Variants in ASAP1 observed in about 807,000 individuals in gnomAD.
ASAP1 encodes the protein ArfGAP with SH3 domain, ankyrin repeat and PH domain 1, also known as arf-GAP with SH3 domain, ANK repeat and PH domain-containing protein 1.
Under a neutral mutation model 145.2 loss-of-function variants are expected in ASAP1, and 43 were observed. That is an observed-to-expected ratio of 0.30 (90% CI 0.23 to 0.38). The LOEUF (loss-of-function observed/expected upper bound fraction) is 0.38. Ranked by LOEUF, ASAP1 falls within the 10% of genes least tolerant of loss-of-function variation. The pLI, the probability that ASAP1 is intolerant of heterozygous loss-of-function variation, is 1.00. For missense variants in ASAP1, 1,018 were observed against 1,355.3 expected (o/e 0.75, Z 3.91); for synonymous variants, 546 against 515.5 (o/e 1.06, Z -0.80).
intron 2 of ASAP1, among the ~76,000 whole-genome samples, chr8:130,373,298 C>T (rs1827319257): frequency 6.6e-6 from 1 of 152,064 alleles, no homozygotes; most frequent in Admixed American, 6.5e-5. Flanking sequence ...CTTTCACTTG[C>T]TCCCATTTTC....
chr8:130,432,368 T>C (rs78725295), intron 1 of ASAP1, among the ~76,000 whole-genome samples: 2,393 of 152,150 alleles, frequency 0.016, 29 homozygotes, highest in East Asian at 0.049. Flanking sequence ...TTTTGGATGA[T>C]GGGAACAGCA....
At chr8:130,123,677 A>C (rs2097570122) in intron 18 of ASAP1, among the ~76,000 whole-genome samples, 1 of 152,200 alleles carries the variant, frequency 6.6e-6, no homozygotes, top group Non-Finnish European at 1.5e-5. Context: ...CCCAGGCTGG[A>C]GTGCAGGGGT....
intron 3 of ASAP1, among the ~76,000 whole-genome samples, chr8:130,339,572 T>C (rs1018733715): frequency 7.9e-5 from 12 of 152,290 alleles, no homozygotes; most frequent in Admixed American, 6.5e-4. Flanking sequence ...GGTTTGTAGA[T>C]GTTTAAAAAT....
chr8:130,194,764 C>T (rs1815368300), intron 5 of ASAP1, among the ~76,000 whole-genome samples: 1 of 152,146 alleles, frequency 6.6e-6, no homozygotes, highest in African/African-American at 2.4e-5. Flanking sequence ...AATGTCACCG[C>T]TGATGTGACA....
Position 130,134,301 on chromosome 8 carries a change from A to G in ASAP1, c.1212T>C (p.Tyr404=), listed in dbSNP as rs1417769799. The G allele has an allele frequency of 6.3e-7, 1 of 1,586,866 alleles. No homozygotes were observed. Among genetic ancestry groups the G allele is most frequent in the Non-Finnish European group, 8.6e-7 (1 of 1,166,612 alleles). ...YHFQAEDEQD[Y]VAWISVLTNS... ...TTTATTTCAAAACTACTTACGCTAC[A>G]TAATCCTGCTCATCTTCTGCCTGAA... The change falls in exon 15 of 30, where the codon TAT becomes TAC. Residue 404 remains tyrosine, a synonymous_variant. Transcript: ENST00000518721.
chr8:130,375,713 T>C (rs1827454751), intron 2 of ASAP1, among the ~76,000 whole-genome samples: 1 of 152,234 alleles, frequency 6.6e-6, no homozygotes, highest in Admixed American at 6.5e-5. Flanking sequence ...TCTACTCCTT[T>C]GTTTTTTTAA....
intron 1 of ASAP1, among the ~76,000 whole-genome samples, chr8:130,404,334 A>G (rs1017678958): frequency 1.3e-5 from 2 of 152,254 alleles, no homozygotes; most frequent in African/African-American, 4.8e-5. Context: ...ATGGAAATGC[A>G]ATGGACTCAG....
chr8:130,347,850 C>A (rs568694301), intron 3 of ASAP1, among the ~76,000 whole-genome samples: 1 of 152,334 alleles, frequency 6.6e-6, no homozygotes, highest in East Asian at 1.9e-4. Context: ...CTCATTCTTG[C>A]CCCTCATGTT....
At chr8:130,361,615 T>C in intron 2 of ASAP1, 3 of 1,289,614 alleles carry the variant, frequency 2.3e-6, no homozygotes, top group Non-Finnish European at 3.3e-6. Context: ...GGTAAGTATA[T>C]ACCTCCTCAG....
intron 9 of ASAP1, among the ~76,000 whole-genome samples, chr8:130,170,067 C>CAA (rs1383323293): frequency 6.6e-6 from 1 of 152,208 alleles, no homozygotes; most frequent in Non-Finnish European, 1.5e-5. Flanking sequence ...AAAACACTAT[C>CAA]TGTTTTGCTG....
intron 3 of ASAP1, among the ~76,000 whole-genome samples, chr8:130,342,555 T>C (rs1198709717): frequency 6.6e-6 from 1 of 152,072 alleles, no homozygotes; most frequent in Non-Finnish European, 1.5e-5. Context: ...CCAGAAGCAA[T>C]TTCCAAACAC....
chr8:130,084,427 T>C (rs2097488132), intron 25 of ASAP1: 1 of 152,228 alleles, frequency 6.6e-6, no homozygotes, highest in Non-Finnish European at 1.5e-5. Context: ...TCTTAGTGTA[T>C]CATACAGATG....
chr8:130,424,069 G>T (rs757209070), intron 1 of ASAP1, among the ~76,000 whole-genome samples: 3 of 152,010 alleles, frequency 2.0e-5, no homozygotes, highest in Admixed American at 6.6e-5. Flanking sequence ...CATGGCATGT[G>T]AATTATATGT....
intron 27 of ASAP1, 131 bp from the exon 28 acceptor site, chr8:130,061,200 G>T: frequency 1.8e-6 from 2 of 1,119,864 alleles, no homozygotes; most frequent in Non-Finnish European, 2.4e-6. Context: ...TGAACTCAGG[G>T]GCCAGGCCCA....
intron 3 of ASAP1, among the ~76,000 whole-genome samples, chr8:130,283,718 T>G (rs576921408): frequency 1.3e-5 from 2 of 151,872 alleles, no homozygotes; most frequent in Non-Finnish European, 2.9e-5. Flanking sequence ...AACAGAAAGT[T>G]GTAGTTGAGA....
At chr8:130,327,140 C>G (rs1247825360) in intron 3 of ASAP1, among the ~76,000 whole-genome samples, 1 of 152,196 alleles carries the variant, frequency 6.6e-6, no homozygotes, top group Non-Finnish European at 1.5e-5. Flanking sequence ...TCTTTCTGAG[C>G]AGATGTAATG....
intron 3 of ASAP1, among the ~76,000 whole-genome samples, chr8:130,295,578 T>C (rs1822220940): frequency 6.6e-6 from 1 of 152,190 alleles, no homozygotes; most frequent in African/African-American, 2.4e-5. Context: ...TAGCAAAAAG[T>C]AAGCACACAA....
intron 29 of ASAP1, among the ~76,000 whole-genome samples, chr8:130,055,592 G>A (rs575766849): frequency 1.3e-5 from 2 of 152,064 alleles, no homozygotes; most frequent in Admixed American, 1.3e-4. Context: ...TTACCGTGGA[G>A]GAAGAATACT....
At chr8:130,144,014 T>C (rs542386689) in intron 13 of ASAP1, among the ~76,000 whole-genome samples, 42 of 152,240 alleles carry the variant, frequency 2.8e-4, no homozygotes, top group Non-Finnish European at 5.0e-4. Flanking sequence ...GAGGTAAAAA[T>C]AAAATGACAA....
Sources: allele counts gnomAD v4.1 joint callset (sites outside exome capture counted in the v4.1 genomes callset), GRCh38; gene constraint gnomAD v4.1.1; transcripts MANE v1.5; gene names NCBI Gene and HGNC (gene_info 2026-07-23, HGNC 2026-07-21).